The following SETD5 variants were observed in gnomAD, a reference collection of about 807,000 sequenced individuals.
SETD5 encodes histone-lysine N-methyltransferase SETD5.
A neutral mutation model predicts 153.3 loss-of-function variants in SETD5; 44 were observed. The observed-to-expected ratio is 0.29, with a 90% CI of 0.23 to 0.37. The LOEUF (loss-of-function observed/expected upper bound fraction) is 0.37, where lower values mean the gene tolerates loss of function less well. Ranked by LOEUF, SETD5 falls within the 10% of genes least tolerant of loss-of-function variation. The probability of loss-of-function intolerance (pLI) is 1.00; values close to 1 mark genes in which losing one functional copy is unlikely to be tolerated. For missense variants in SETD5, 1,544 were observed against 1,768.0 expected (o/e 0.87, Z 2.27); for synonymous variants, 716 against 645.2 (o/e 1.11, Z -1.66).
chr3:9,413,117 G>A (rs891667148), intron 1 of SETD5, among the ~76,000 whole-genome samples: 2 of 152,120 alleles, frequency 1.3e-5, no homozygotes, highest in Admixed American at 1.3e-4. Context: ...AACATAATCA[G>A]ATGTTTCAGT....
Position 9,442,083 on chromosome 3 carries a change from T to C in SETD5, c.960-45T>C, listed in dbSNP as rs763735535. 2.2e-6 allele frequency: 3 copies of C among 1,355,920 alleles called. No homozygotes were observed. In the Admixed American group the frequency reaches 5.6e-5, roughly 26 times the overall value. 84.0% of individuals were successfully genotyped at this position (1,355,920 alleles called of 1,614,324 possible). On this transcript the variant is annotated intron_variant, in intron 9 of 22. Transcript: ENST00000402198. ...CATATTTGGAGTCATGGGGTGGCCT[T>C]CTTATTTGTGTTGAGAATTACAGGA...
intron 1 of SETD5, among the ~76,000 whole-genome samples, chr3:9,420,135 T>C (rs1330268124): frequency 1.3e-5 from 2 of 152,214 alleles, no homozygotes; most frequent in African/African-American, 4.8e-5. Flanking sequence ...AGTCTGTGTA[T>C]TGTTGGTTAG....
In SETD5 at chr3:9,477,585, A is replaced by G. The variant is rs1263568365; in HGVS notation, c.*1494A>G. 1 of 152,218 alleles carries G rather than the reference A, an allele frequency of 6.6e-6. No individual in the cohort carries two copies. Among genetic ancestry groups the G allele is most frequent in the Non-Finnish European group, 1.5e-5 (1 of 67,998 alleles). The allele number at this position is 152,218 out of a possible 1,614,324, so 9.4% of individuals were successfully genotyped here. On this transcript the variant is annotated 3_prime_UTR_variant, in exon 23 of 23. Coordinates refer to ENST00000402198, the MANE Select transcript of SETD5 (RefSeq NM_001080517.3). ...CCCTTCTTTTCTACCCTGTCCTACA[A>G]CTATCATATGCACAGTCTTCTCTCT... is the stretch of plus-strand genomic sequence containing the variant.
intron 16 of SETD5, among the ~76,000 whole-genome samples, chr3:9,452,659 AT>A (rs1164278885): frequency 0.29 from 17,385 of 59,786 alleles, 1,465 homozygotes; most frequent in South Asian, 0.36. Flanking sequence ...ATGATGTAAG[AT>A]TTTTTTTTTT....
At chr3:9,444,782 TAGG>T (rs2041736119) in intron 11 of SETD5, among the ~76,000 whole-genome samples, 2 of 151,536 alleles carry the variant, frequency 1.3e-5, no homozygotes, top group Non-Finnish European at 1.5e-5. Flanking sequence ...GAGGCTGAGG[TAGG>T]AGGATCACTT....
chr3:9,439,120 C>T (rs573482130), intron 7 of SETD5, among the ~76,000 whole-genome samples: 10 of 152,264 alleles, frequency 6.6e-5, no homozygotes, highest in Middle Eastern at 6.8e-3. Flanking sequence ...CTGCCAGTCC[C>T]CCTAGTCTGT....
intron 17 of SETD5, among the ~76,000 whole-genome samples, chr3:9,458,046 G>T (rs1405042389): frequency 6.6e-6 from 1 of 152,080 alleles, no homozygotes; most frequent in African/African-American, 2.4e-5. Flanking sequence ...TGTATATATG[G>T]AACAAAATAG....
At chr3:9,441,554 C>A (rs1264946499) in intron 8 of SETD5, 39 bp from the exon 9 acceptor site, 33 of 1,603,400 alleles carry the variant, frequency 2.1e-5, no homozygotes, top group Non-Finnish European at 2.7e-5. Context: ...CTAAGGTGTT[C>A]TTGCTGTTGT....
Position 9,437,671 on chromosome 3 carries a change from G to A in SETD5, c.567+1765G>A, listed in dbSNP as rs143029190. Reference sequence around the variant, plus strand: ...ATATTCCTAAATGATACAAAAGCAGGATCTTTCCTATTGAGAGTTATAGGG... The same window carrying A: ...ATATTCCTAAATGATACAAAAGCAGAATCTTTCCTATTGAGAGTTATAGGG... On this transcript the variant is annotated intron_variant, in intron 7 of 22. Transcript: ENST00000402198. Among the ~76,000 whole-genome samples the A allele has an allele frequency of 4.9e-3, 752 of 152,046 alleles. 13 individuals are homozygous for A. Among genetic ancestry groups the A allele is most frequent in the African/African-American group, 0.017 (723 of 41,476 alleles).
At chr3:9,473,918 A>G (rs2125612542) in intron 20 of SETD5, among the ~76,000 whole-genome samples, 1 of 152,360 alleles carries the variant, frequency 6.6e-6, no homozygotes, top group Non-Finnish European at 1.5e-5. Context: ...CACAGCTAGC[A>G]TATACAGAGC....
chr3:9,470,594 T>G lies in SETD5; in HGVS notation c.2860T>G (p.Ser954Ala). The G allele has an allele frequency of 6.2e-7, 1 of 1,613,942 alleles. No individual in the cohort carries two copies. The highest frequency in any genetic ancestry group is 8.5e-7 in the Non-Finnish European group (1 of 1,179,880). Reference sequence around the variant, plus strand: ...TCCTCATCCCTCCCTCGGACCCACTTCTGAGACTGGTTTCCCAAGCAGAAG... The same window carrying G: ...TCCTCATCCCTCCCTCGGACCCACTGCTGAGACTGGTTTCCCAAGCAGAAG... Reference protein sequence around the residue: ...LAPHPSLGPTSETGFPSRSGD... With the variant: ...LAPHPSLGPTAETGFPSRSGD... Residue 954 changes from serine (S) to alanine (A), a missense_variant, in exon 19 of 23, where the codon TCT becomes GCT. Around this residue, in one of 9 missense-constraint regions of SETD5, gnomAD observed 782 missense variants for 787.2 expected, o/e 0.99. Transcript: ENST00000402198.
At chr3:9,429,075 A>C (rs949203227) in intron 3 of SETD5, 66 bp downstream of exon 3, 35 of 1,066,528 alleles carry the variant, frequency 3.3e-5, no homozygotes, top group Middle Eastern at 4.0e-4. Context: ...TCTTATGGAT[A>C]GCTAATAGGA....
rs775320962 is a variant in SETD5 at position 9,476,802 on chromosome 3, A to G, written c.*711A>G. ...TTTGAGTAGATTGTCTGAGCCTCCA[A>G]CTGTTACCATCCTACTCCCCCTTCC... On this transcript the variant is annotated 3_prime_UTR_variant, in exon 23 of 23. Transcript: ENST00000402198. 2.6e-5 allele frequency: 4 copies of G among 152,534 alleles called. No individual in the cohort carries two copies. The highest frequency in any genetic ancestry group is 5.9e-5 in the Non-Finnish European group (4 of 68,050). 9.4% of individuals were successfully genotyped at this position (152,534 alleles called of 1,614,324 possible). A position where few individuals can be genotyped will look rare whatever the true frequency, so the allele number is the denominator to read the frequency against.
At position 9,448,349 on chromosome 3, in the gene SETD5, C is replaced by A. The variant is rs749485421; in HGVS notation, c.2104-39C>A. 1.1e-5 allele frequency: 17 copies of A among 1,603,972 alleles called. No individual in the cohort carries two copies. In the South Asian group the frequency reaches 1.2e-4, roughly 12 times the overall value. On this transcript the variant is annotated intron_variant, in intron 15 of 22. Transcript: ENST00000402198. ...TTGTCTTTATGAACTACACTGCTAC[C>A]TCTTGATTTATAAACTAATGATCTC... is the stretch of plus-strand genomic sequence containing the variant.
chr3:9,446,496 T>A (rs2042025570), intron 13 of SETD5, among the ~76,000 whole-genome samples: 1 of 151,812 alleles, frequency 6.6e-6, no homozygotes, highest in African/African-American at 2.4e-5. Flanking sequence ...TTGATGACTT[T>A]TTTTTTTTTC....
chr3:9,445,965 G>GGTTTTTTTTTTTTTTTTTTTTTTTT (rs2041907619), intron 13 of SETD5, among the ~76,000 whole-genome samples: 2 of 86,462 alleles, frequency 2.3e-5, no homozygotes, highest in African/African-American at 9.4e-5. Context: ...TGAAGAGGTT[G>GGTTTTTTTTTTTTTTTTTTTTTTTT]TTTTTTTTTT....
chr3:9,468,404 C>T lies in SETD5; in HGVS notation c.2725-2055C>T, dbSNP rs878940483. 7.4e-5 allele frequency: 55 copies of T among 738,468 alleles called. No homozygotes were observed. In the African/African-American group the frequency reaches 9.7e-4, roughly 13 times the overall value. 45.7% of individuals were successfully genotyped at this position (738,468 alleles called of 1,614,324 possible). A position where few individuals can be genotyped will look rare whatever the true frequency, so the allele number is the denominator to read the frequency against. On this transcript the variant is annotated intron_variant, in intron 18 of 22. Coordinates refer to ENST00000402198, the MANE Select transcript of SETD5 (RefSeq NM_001080517.3). ...TCCCCTATGCATTCTTATTCAACTT[C>T]CCCGCCCCCGAAAAAAGTTATGGCT...
intron 7 of SETD5, chr3:9,436,880 C>G (rs767842475): frequency 6.5e-7 from 1 of 1,550,156 alleles, no homozygotes. Flanking sequence ...GAAGTCCTTG[C>G]GGATGAAGGT....
intron 2 of SETD5, among the ~76,000 whole-genome samples, chr3:9,424,961 TTCA>T (rs1348053298): frequency 6.6e-6 from 1 of 152,062 alleles, no homozygotes; most frequent in Non-Finnish European, 1.5e-5. Context: ...TATGGTTGCT[TTCA>T]TCAGAAGAAT....
Sources: allele counts gnomAD v4.1 joint callset (sites outside exome capture counted in the v4.1 genomes callset), GRCh38; gene constraint gnomAD v4.1.1; regional missense constraint gnomAD v4.1.1; transcripts MANE v1.5; gene names NCBI Gene and HGNC (gene_info 2026-07-23, HGNC 2026-07-21).